The following RASGRP1 variants were observed in gnomAD, a reference collection of about 807,000 sequenced individuals.
RASGRP1 encodes RAS guanyl-releasing protein 1.
A neutral mutation model predicts 95.1 loss-of-function variants in RASGRP1; 37 were observed. That is an observed-to-expected ratio of 0.39 (90% CI 0.30 to 0.51). The LOEUF (loss-of-function observed/expected upper bound fraction) is 0.51. Among genes scored for constraint, RASGRP1 ranks in the 20% least tolerant of loss-of-function variants. RASGRP1 has a pLI of 0.80. For synonymous variants in RASGRP1, 325 were observed against 353.4 expected (o/e 0.92, Z 0.90); for missense variants, 711 against 965.4 (o/e 0.74, Z 3.49).
At chr15:38,526,682 T>C (rs1185543005) in intron 2 of RASGRP1, among the ~76,000 whole-genome samples, 1 of 152,156 alleles carries the variant, frequency 6.6e-6, no homozygotes, top group Admixed American at 6.5e-5. Context: ...TGAGTCTCAC[T>C]GAAAGCAGAA....
intron 15 of RASGRP1, among the ~76,000 whole-genome samples, chr15:38,496,430 G>A (rs62003587): frequency 0.011 from 1,706 of 152,246 alleles, 20 homozygotes; most frequent in Non-Finnish European, 0.019. Context: ...CCCCTTCAGG[G>A]ATTCCTTTTT....
At chr15:38,538,623 T>C (rs1287463806) in intron 2 of RASGRP1, among the ~76,000 whole-genome samples, 5 of 152,226 alleles carry the variant, frequency 3.3e-5, no homozygotes, top group African/African-American at 1.2e-4. Context: ...GGAAGTAAGG[T>C]AATTTGTCCA....
chr15:38,555,510 G>C (rs1451961048), intron 2 of RASGRP1, among the ~76,000 whole-genome samples: 1 of 152,200 alleles, frequency 6.6e-6, no homozygotes, highest in Non-Finnish European at 1.5e-5. Flanking sequence ...TCTTAGGAGA[G>C]AGATCCAGGC....
chr15:38,524,087 A>C (rs1481645780), intron 3 of RASGRP1: 1 of 152,174 alleles, frequency 6.6e-6, no homozygotes, highest in Non-Finnish European at 1.5e-5. Context: ...ACCTAAGAAA[A>C]ATGGTTTAGG....
intron 2 of RASGRP1, chr15:38,534,591 A>C (rs1157748447): frequency 6.6e-6 from 1 of 152,276 alleles, no homozygotes; most frequent in African/African-American, 2.4e-5. Context: ...CAGGCCTTTA[A>C]GCGGAGTCTT....
chr15:38,506,635 CAAAAAAAA>C (rs370153317), intron 9 of RASGRP1, among the ~76,000 whole-genome samples: 5 of 71,620 alleles, frequency 7.0e-5, no homozygotes, highest in African/African-American at 1.5e-4. Flanking sequence ...ACCTTGTCTC[CAAAAAAAA>C]AAAAAAAAAA....
rs1177000125 is a variant in RASGRP1, at chr15:38,562,235, G to A, written c.36-2230C>T. ...AGCAAAATCCTTCAAAAGCATAACT[G>A]GTAATGTAAAGGCTGAATCTCAGCC... On this transcript the variant is annotated intron_variant, in intron 1 of 16. Coordinates refer to ENST00000310803, the MANE Select transcript of RASGRP1 (RefSeq NM_005739.4). Among the ~76,000 whole-genome samples, 3 of 152,188 alleles carry A rather than the reference G, an allele frequency of 2.0e-5. No individual in the cohort carries two copies. In the East Asian group the frequency reaches 5.8e-4, roughly 29 times the overall value.
rs369603429 is a variant in RASGRP1 at position 38,550,143 on chromosome 15, G to A, written c.220+9678C>T. On this transcript the variant is annotated intron_variant, in intron 2 of 16. Coordinates refer to ENST00000310803, the MANE Select transcript of RASGRP1 (RefSeq NM_005739.4). ...TCTGGTGGTGCACACCCAGCTACTC[G>A]GGTGGCTGAGGCACGAGAATCACTT... is the stretch of plus-strand genomic sequence containing the variant. Among the ~76,000 whole-genome samples the A allele has an allele frequency of 1.5e-4, 22 of 151,200 alleles. No individual in the cohort carries two copies. The East Asian group carries it at 3.1e-3, about 21-fold the overall frequency.
chr15:38,491,202 C>T (rs1890566906), intron 16 of RASGRP1, among the ~76,000 whole-genome samples: 1 of 152,130 alleles, frequency 6.6e-6, no homozygotes, highest in South Asian at 2.1e-4. Context: ...ATTATAGAGC[C>T]AACAGTTGAT....
At chr15:38,522,071 T>A (rs4414450) in intron 3 of RASGRP1, among the ~76,000 whole-genome samples, 1,691 of 152,298 alleles carry the variant, frequency 0.011, 36 homozygotes, top group African/African-American at 0.037. Context: ...GCACCCATAG[T>A]AATGCAACAT....
At position 38,503,521 on chromosome 15, in the gene RASGRP1, A is replaced by G. The variant is rs1891124120; in HGVS notation, c.1324-145T>C. Reference sequence around the variant, plus strand: ...GCAAGGAGCAGAGAACCCACAGGCAATTGAAATCTCTACTAATAATTTTGG... The same window carrying G: ...GCAAGGAGCAGAGAACCCACAGGCAGTTGAAATCTCTACTAATAATTTTGG... On this transcript the variant is annotated intron_variant, in intron 10 of 16. Coordinates refer to ENST00000310803, the MANE Select transcript of RASGRP1 (RefSeq NM_005739.4). The G allele has an allele frequency of 5.8e-6, 4 of 694,058 alleles. No homozygotes were observed. The East Asian group carries it at 1.1e-4, about 19-fold the overall frequency. 43.0% of individuals were successfully genotyped at this position (694,058 alleles called of 1,614,324 possible).
At chr15:38,511,793 CTT>C (rs1202543686) in intron 7 of RASGRP1, 73 bp from the exon 8 acceptor site, 1 of 1,149,888 alleles carries the variant, frequency 8.7e-7, no homozygotes, top group Non-Finnish European at 1.3e-6. Flanking sequence ...GAGGCTGCCT[CTT>C]GTCTCTGTGC....
rs1337144421 is a variant in RASGRP1, at chr15:38,515,102, T to C, written c.675+1095A>G. Among the ~76,000 whole-genome samples the C allele has an allele frequency of 3.3e-5, 5 of 152,316 alleles. No homozygotes were observed. In the East Asian group the frequency reaches 7.7e-4, roughly 24 times the overall value. The stretch of plus-strand genomic sequence containing the variant: ...ACAGAAGGGCTGTCAATATTATGAA[T>C]GAAAATGTAAAATAACCTTTGTAAC... On this transcript the variant is annotated intron_variant, in intron 6 of 16. Coordinates refer to ENST00000310803, the MANE Select transcript of RASGRP1 (RefSeq NM_005739.4).
chr15:38,504,012 A>C (rs1214824979), intron 10 of RASGRP1: 1 of 152,276 alleles, frequency 6.6e-6, no homozygotes, highest in African/African-American at 2.4e-5. Context: ...TATTATACTC[A>C]GTACTGTAGG....
At chr15:38,503,539 A>T in intron 10 of RASGRP1, 163 bp from the exon 11 acceptor site, 2 of 643,664 alleles carry the variant, frequency 3.1e-6, no homozygotes, top group Admixed American at 2.9e-5. Context: ...CTCTACTAAT[A>T]ATTTTGGCTA....
chr15:38,517,254 A>G (rs1459346506), intron 5 of RASGRP1, among the ~76,000 whole-genome samples: 1 of 152,192 alleles, frequency 6.6e-6, no homozygotes, highest in Non-Finnish European at 1.5e-5. Flanking sequence ...AATAATTCCT[A>G]CAGAATATAA....
intron 6 of RASGRP1, among the ~76,000 whole-genome samples, chr15:38,514,659 T>G (rs189967961): frequency 2.2e-4 from 33 of 152,256 alleles, no homozygotes; most frequent in South Asian, 1.7e-3. Context: ...ACCAAGCCAC[T>G]CAAAAGAAAT....
rs1233429275 is a variant in RASGRP1, at chr15:38,528,528, T to G, written c.221-2124A>C. Among the ~76,000 whole-genome samples, 3 of 152,182 alleles carry G rather than the reference T, an allele frequency of 2.0e-5. No individual in the cohort carries two copies. The East Asian group carries it at 5.8e-4, about 29-fold the overall frequency. ...AACCCAAGTTGATGACTCTCTTTCC[T>G]GGAACACTTTCTTCTCTTGGCTTCC... On this transcript the variant is annotated intron_variant, in intron 2 of 16. Transcript: ENST00000310803.
intron 2 of RASGRP1, among the ~76,000 whole-genome samples, chr15:38,551,010 TA>T (rs1893320061): frequency 6.6e-6 from 1 of 152,212 alleles, no homozygotes. Flanking sequence ...ACTACATATG[TA>T]AAATATTAAC....
Sources: gnomAD v4.1 joint callset for allele counts (sites outside exome capture counted in the v4.1 genomes callset) on GRCh38, gnomAD v4.1.1 for gene constraint, MANE v1.5 for transcripts, NCBI Gene and HGNC (gene_info 2026-07-23, HGNC 2026-07-21) for gene names.